ALKAL1: variants seen among roughly 807,000 people sequenced by gnomAD.
ALKAL1 encodes AUG-beta.
A neutral mutation model predicts 13.5 loss-of-function variants in ALKAL1; 23 were observed. The observed-to-expected ratio is 1.70, with a 90% CI of 1.23 to 2.41. The LOEUF is 2.41. ALKAL1 is among the 30% of genes most tolerant of loss of function. The probability of loss-of-function intolerance (pLI) is 0.00; values close to 1 mark genes in which losing one functional copy is unlikely to be tolerated. For synonymous variants in ALKAL1, 85 were observed against 77.7 expected, an observed-to-expected ratio of 1.09 and a Z score of -0.49; for missense variants, 181 against 178.4, an observed-to-expected ratio of 1.01 and a Z score of -0.08.
chr8:52,561,287 G>GT (rs1259597952), intron 1 of ALKAL1, among the ~76,000 whole-genome samples: 4 of 152,130 alleles, frequency 2.6e-5, no homozygotes, highest in South Asian at 2.1e-4. Flanking sequence ...AGTATGTCTA[G>GT]TTTTTTTTAA....
At chr8:52,555,291 G>C (rs1389885161) in intron 1 of ALKAL1, among the ~76,000 whole-genome samples, 1 of 152,106 alleles carries the variant, frequency 6.6e-6, no homozygotes, top group East Asian at 1.9e-4. Context: ...GCTGGCAGAG[G>C]ATATTGGATT....
chr8:52,554,383 T>G (rs1463942484), intron 1 of ALKAL1, among the ~76,000 whole-genome samples: 1 of 152,248 alleles, frequency 6.6e-6, no homozygotes, highest in African/African-American at 2.4e-5. Context: ...AATAATGTTC[T>G]TGGATTAGGC....
rs777582337 is a variant in ALKAL1, at chr8:52,539,931, T to C, written c.245-20A>G. 6.3e-6 allele frequency: 10 copies of C among 1,586,686 alleles called. No individual in the cohort carries two copies. The highest frequency in any genetic ancestry group is 8.6e-6 in the Non-Finnish European group (10 of 1,160,650). On this transcript the variant is annotated intron_variant, in intron 2 of 4. Transcript: ENST00000358543. ...CCGGCCCTAGAGCACAGGAAAAGAA[T>C]GCTTATTATAAACATAGGCATGTTT...
chr8:52,542,358 A>T, intron 2 of ALKAL1, 34 bp downstream of exon 2: 2 of 1,348,554 alleles, frequency 1.5e-6, no homozygotes, highest in Non-Finnish European at 1.0e-6. Context: ...CTTTTTATTT[A>T]GTTAATGGAA....
In ALKAL1 at chr8:52,534,421, A is replaced by G. The variant is rs1013741157; in HGVS notation, c.*192T>C. The G allele has an allele frequency of 9.9e-6, 4 of 404,204 alleles. No homozygotes were observed. In the South Asian group the frequency reaches 4.0e-4, roughly 41 times the overall value. The allele number at this position is 404,204 out of a possible 1,614,324, so 25.0% of individuals were successfully genotyped here. ...CAAAATTATAAATTACTGTATACAC[A>G]AAAAGATAAAGCAAGAAAGACTCCA... On this transcript the variant is annotated 3_prime_UTR_variant, in exon 5 of 5. Transcript: ENST00000358543.
At chr8:52,544,002 A>C (rs907181141) in intron 1 of ALKAL1, among the ~76,000 whole-genome samples, 29 of 152,162 alleles carry the variant, frequency 1.9e-4, no homozygotes, top group Admixed American at 1.8e-3. Context: ...TATAACTTCT[A>C]TCAAAGCAGA....
At chr8:52,549,053 A>C (rs115622973) in intron 1 of ALKAL1, among the ~76,000 whole-genome samples, 1 of 152,302 alleles carries the variant, frequency 6.6e-6, no homozygotes, top group African/African-American at 2.4e-5. Flanking sequence ...ATCTTCCATA[A>C]AGATAATTTG....
At chr8:52,552,638 ACTTT>A (rs1288106002) in intron 1 of ALKAL1, among the ~76,000 whole-genome samples, 1 of 152,240 alleles carries the variant, frequency 6.6e-6, no homozygotes, top group African/African-American at 2.4e-5. Flanking sequence ...ATCTAATAGT[ACTTT>A]CTTTATTTTG....
intron 1 of ALKAL1, among the ~76,000 whole-genome samples, chr8:52,542,980 C>T (rs1166994928): frequency 6.6e-6 from 1 of 152,212 alleles, no homozygotes; most frequent in Non-Finnish European, 1.5e-5. Context: ...CCCTCTTCTC[C>T]TCCCCATAAT....
chr8:52,559,328 T>C (rs778294232), intron 1 of ALKAL1, among the ~76,000 whole-genome samples: 13 of 152,170 alleles, frequency 8.5e-5, no homozygotes, highest in Non-Finnish European at 1.6e-4. Flanking sequence ...CTGGAACGTA[T>C]AGCTGTAGAG....
At chr8:52,551,104 A>C (rs973442796) in intron 1 of ALKAL1, among the ~76,000 whole-genome samples, 21 of 152,158 alleles carry the variant, frequency 1.4e-4, no homozygotes, top group Non-Finnish European at 2.6e-4. Flanking sequence ...AGACATCAAA[A>C]AACATGACTT....
intron 1 of ALKAL1, among the ~76,000 whole-genome samples, chr8:52,543,694 T>C (rs1438086264): frequency 1.3e-5 from 2 of 152,172 alleles, no homozygotes; most frequent in African/African-American, 4.8e-5. Context: ...AGCCCGAACA[T>C]AGGTCTTTTC....
intron 1 of ALKAL1, among the ~76,000 whole-genome samples, chr8:52,551,570 A>ACTTT (rs1847431312): frequency 6.6e-6 from 1 of 151,904 alleles, no homozygotes; most frequent in African/African-American, 2.4e-5. Context: ...CAGCCTCCCA[A>ACTTT]AGAGTTGAGA....
intron 1 of ALKAL1, among the ~76,000 whole-genome samples, chr8:52,548,111 G>A (rs547001885): frequency 6.6e-6 from 1 of 152,296 alleles, no homozygotes; most frequent in South Asian, 2.1e-4. Context: ...CACTTTGGGA[G>A]GCCGAGGCCG....
intron 1 of ALKAL1, among the ~76,000 whole-genome samples, chr8:52,555,198 C>G (rs1475981956): frequency 6.6e-6 from 1 of 151,432 alleles, no homozygotes; most frequent in African/African-American, 2.4e-5. Flanking sequence ...AGATAAAGGC[C>G]GACAAATGCC....
intron 1 of ALKAL1, among the ~76,000 whole-genome samples, chr8:52,561,767 T>G (rs775616510): frequency 6.6e-6 from 1 of 152,172 alleles, no homozygotes; most frequent in African/African-American, 2.4e-5. Flanking sequence ...TTAAGCTCCA[T>G]GTCAGTGAGG....
intron 1 of ALKAL1, among the ~76,000 whole-genome samples, chr8:52,543,554 G>A (rs764128149): frequency 1.1e-4 from 17 of 152,312 alleles, no homozygotes; most frequent in Non-Finnish European, 2.1e-4. Context: ...CAGAGAGATC[G>A]GAGCTCCCCC....
chr8:52,536,298 C>T (rs986894402), intron 4 of ALKAL1, among the ~76,000 whole-genome samples: 1 of 152,172 alleles, frequency 6.6e-6, no homozygotes, highest in Non-Finnish European at 1.5e-5. Context: ...CTTAAAAGGA[C>T]TTGTCCATGG....
chr8:52,544,668 G>A (rs1210720445), intron 1 of ALKAL1, among the ~76,000 whole-genome samples: 2 of 152,066 alleles, frequency 1.3e-5, no homozygotes, highest in East Asian at 1.9e-4. Context: ...AAGTCTAGAG[G>A]TCTAATGCAT....
Sources: gnomAD v4.1 joint callset for allele counts (sites outside exome capture counted in the v4.1 genomes callset) on GRCh38, gnomAD v4.1.1 for gene constraint, MANE v1.5 for transcripts, NCBI Gene and HGNC (gene_info 2026-07-23, HGNC 2026-07-21) for gene names.